DLG2: variants seen among roughly 807,000 people sequenced by gnomAD.
DLG2 encodes the protein discs large MAGUK scaffold protein 2, also known as disks large homolog 2.
DLG2 carries 45 observed loss-of-function variants against 132.5 expected under a neutral mutation model. The ratio of observed to expected loss-of-function variants is 0.34; its 90% CI spans 0.27 to 0.44. The LOEUF (loss-of-function observed/expected upper bound fraction) is 0.44. Ranked by LOEUF, DLG2 falls within the 20% of genes least tolerant of loss-of-function variation. The probability of loss-of-function intolerance (pLI) is 1.00; values close to 1 mark genes in which losing one functional copy is unlikely to be tolerated. For missense variants in DLG2, 1,045 were observed against 1,196.9 expected (o/e 0.87, Z 1.87); for synonymous variants, 424 against 419.6 (o/e 1.01, Z -0.13).
At chr11:84,883,302 C>T (rs989630784) in intron 6 of DLG2, among the ~76,000 whole-genome samples, 1 of 151,728 alleles carries the variant, frequency 6.6e-6, no homozygotes, top group Non-Finnish European at 1.5e-5. Flanking sequence ...TACACTGGGG[C>T]CTGTTAGGGG....
intron 6 of DLG2, among the ~76,000 whole-genome samples, chr11:84,735,466 G>A (rs938982726): frequency 6.6e-6 from 1 of 152,142 alleles, no homozygotes; most frequent in African/African-American, 2.4e-5. Flanking sequence ...TTGTATTTCT[G>A]TGGCATCGGT....
In DLG2 at chr11:83,462,081, C is replaced by G; in HGVS notation, c.2742G>C (p.Lys914Asn). Residue 914 changes from lysine (K) to asparagine (N), a missense_variant, in exon 27 of 28, where the codon AAG becomes AAC. Physicochemically the swap from Lys to Asn is moderately conservative, Grantham distance 94 (BLOSUM62 0). Around this residue, in one of 4 missense-constraint regions of DLG2, gnomAD observed 398 missense variants for 543.6 expected, o/e 0.73. Coordinates refer to ENST00000376104, the MANE Select transcript of DLG2 (RefSeq NM_001142699.3). ...RSLEPLMEMN[K>N]RLTEEQAKKT... is the part of the protein sequence containing the mutation. Reference sequence around the variant, plus strand: ...TCTTGGCTTGTTCCTCTGTTAGACGCTTATTCATCTCCCTGGGAAAATGAG... The same window carrying G: ...TCTTGGCTTGTTCCTCTGTTAGACGGTTATTCATCTCCCTGGGAAAATGAG... The G allele has an allele frequency of 6.2e-7, 1 of 1,609,094 alleles. No individual in the cohort carries two copies. Among genetic ancestry groups the G allele is most frequent in the Non-Finnish European group, 8.5e-7 (1 of 1,175,470 alleles).
chr11:85,199,353 A>G (rs2081288094), intron 4 of DLG2, among the ~76,000 whole-genome samples: 1 of 152,192 alleles, frequency 6.6e-6, no homozygotes, highest in African/African-American at 2.4e-5. Context: ...GACACAGCTA[A>G]TCCCCAGGGA....
chr11:83,696,358 C>T (rs1007589968), intron 18 of DLG2, among the ~76,000 whole-genome samples: 2 of 152,158 alleles, frequency 1.3e-5, no homozygotes, highest in African/African-American at 4.8e-5. Context: ...GACCCTGTTT[C>T]CCAACGTGGC....
At chr11:83,784,381 GGA>G (rs2094954333) in intron 18 of DLG2, among the ~76,000 whole-genome samples, 1 of 152,196 alleles carries the variant, frequency 6.6e-6, no homozygotes, top group African/African-American at 2.4e-5. Context: ...AGTTTGGATA[GGA>G]GAGGAAAGAA....
intron 7 of DLG2, among the ~76,000 whole-genome samples, chr11:84,334,222 C>A (rs2098473815): frequency 6.6e-6 from 1 of 152,146 alleles, no homozygotes; most frequent in Non-Finnish European, 1.5e-5. Flanking sequence ...TAAAGGAAAG[C>A]TATTGTCAAA....
chr11:85,112,227 CCTT>C (rs1376862071), intron 5 of DLG2, among the ~76,000 whole-genome samples: 1 of 151,998 alleles, frequency 6.6e-6, no homozygotes, highest in Non-Finnish European at 1.5e-5. Context: ...ATCTCAGAGG[CCTT>C]CTTATCACAT....
chr11:84,730,959 G>A (rs955834800), intron 6 of DLG2, among the ~76,000 whole-genome samples: 5 of 152,016 alleles, frequency 3.3e-5, no homozygotes, highest in African/African-American at 1.2e-4. Context: ...TTAATGAGCT[G>A]CAAGCATAAT....
At chr11:84,977,825 G>A (rs1388688582) in intron 6 of DLG2, among the ~76,000 whole-genome samples, 1 of 152,140 alleles carries the variant, frequency 6.6e-6, no homozygotes, top group Non-Finnish European at 1.5e-5. Context: ...GGGGTGCCAT[G>A]ATGGAGATTT....
intron 11 of DLG2, among the ~76,000 whole-genome samples, chr11:84,015,074 T>C (rs143679917): frequency 1.3e-5 from 2 of 151,900 alleles, no homozygotes; most frequent in African/African-American, 4.9e-5. Flanking sequence ...TAGCATTCAT[T>C]ATTGGATTTT....
chr11:83,526,919 A>C (rs952826040), intron 21 of DLG2, among the ~76,000 whole-genome samples: 1 of 152,002 alleles, frequency 6.6e-6, no homozygotes, highest in Non-Finnish European at 1.5e-5. Flanking sequence ...CCCTGTAGAC[A>C]CTCATTCTGT....
intron 19 of DLG2, among the ~76,000 whole-genome samples, chr11:83,584,356 T>A (rs2097042638): frequency 6.6e-6 from 1 of 152,192 alleles, no homozygotes; most frequent in African/African-American, 2.4e-5. Flanking sequence ...ATAGCCCAGT[T>A]CCATATAACA....
chr11:84,351,901 C>G (rs773571506), intron 7 of DLG2, among the ~76,000 whole-genome samples: 2 of 152,140 alleles, frequency 1.3e-5, no homozygotes, highest in Non-Finnish European at 2.9e-5. Context: ...TCATAGCTCT[C>G]AAGAATGACA....
chr11:84,297,216 G>C (rs1357950840), intron 7 of DLG2, among the ~76,000 whole-genome samples: 2 of 151,880 alleles, frequency 1.3e-5, no homozygotes, highest in Non-Finnish European at 2.9e-5. Flanking sequence ...AGTTTGGGAG[G>C]AGGTTAAGGG....
intron 16 of DLG2, among the ~76,000 whole-genome samples, chr11:83,835,084 T>A (rs911037275): frequency 6.6e-6 from 1 of 152,192 alleles, no homozygotes; most frequent in African/African-American, 2.4e-5. Flanking sequence ...ACCTCACAAC[T>A]TGAACTGTAA....
In DLG2 at chr11:84,287,426, G is replaced by A. The variant is rs115535560; in HGVS notation, c.520-36135C>T. The stretch of plus-strand genomic sequence containing the variant: ...GTTGGGGGGCCAGGGCTAAAGCTTT[G>A]GACTTCTTAGGAATACTCTTCTTTT... On this transcript the variant is annotated intron_variant, in intron 7 of 27. Coordinates refer to ENST00000376104, the MANE Select transcript of DLG2 (RefSeq NM_001142699.3). 2.6e-5 allele frequency among the ~76,000 whole-genome samples: 4 copies of A among 152,126 alleles called. No individual in the cohort carries two copies. The South Asian group carries it at 8.3e-4, about 32-fold the overall frequency.
chr11:83,711,838 C>T (rs2085499426), intron 18 of DLG2, among the ~76,000 whole-genome samples: 1 of 71,220 alleles, frequency 1.4e-5, no homozygotes, highest in Non-Finnish European at 2.6e-5. Flanking sequence ...ATTTTAGACT[C>T]TACTTGGTGA....
intron 6 of DLG2, among the ~76,000 whole-genome samples, chr11:84,647,577 G>A (rs1325975545): frequency 6.6e-6 from 1 of 152,102 alleles, no homozygotes; most frequent in Non-Finnish European, 1.5e-5. Context: ...ACTCATTTCT[G>A]CGTTTATTTA....
intron 19 of DLG2, among the ~76,000 whole-genome samples, chr11:83,599,155 A>G (rs2058107411): frequency 6.6e-6 from 1 of 152,212 alleles, no homozygotes; most frequent in Admixed American, 6.5e-5. Context: ...TGCTTGCTTA[A>G]TAAACAAAAC....
Sources: gnomAD v4.1 joint callset for allele counts (sites outside exome capture counted in the v4.1 genomes callset) on GRCh38, gnomAD v4.1.1 for gene constraint, gnomAD v4.1.1 regional missense constraint, MANE v1.5 for transcripts, NCBI Gene and HGNC (gene_info 2026-07-23, HGNC 2026-07-21) for gene names.